Variants in SYNJ2 observed in about 807,000 individuals in gnomAD.
SYNJ2 encodes the protein synaptojanin 2.
In SYNJ2, 116 loss-of-function variants were observed where a neutral mutation model predicts 141.3. The ratio of observed to expected loss-of-function variants is 0.82; its 90% confidence interval spans 0.71 to 0.96. The LOEUF (loss-of-function observed/expected upper bound fraction) is 0.96, where lower values mean the gene tolerates loss of function less well. Among genes scored for constraint, SYNJ2 ranks in the 40% least tolerant of loss-of-function variants. The pLI is 0.00. For missense variants in SYNJ2, 1,873 were observed against 1,934.8 expected (o/e 0.97, Z 0.60); for synonymous variants, 745 against 777.7 (o/e 0.96, Z 0.70).
chr6:158,088,034 A>ATTTTTTTTTTTTTT (rs568222551), intron 23 of SYNJ2, among the ~76,000 whole-genome samples: 3 of 31,922 alleles, frequency 9.4e-5, no homozygotes, highest in East Asian at 1.7e-3. Flanking sequence ...CTGCTTTGGA[A>ATTTTTTTTTTTTTT]TTTTTTTTTT....
intron 2 of SYNJ2, 49 bp from the exon 3 acceptor site, chr6:158,028,707 G>A (rs1229722910): frequency 6.3e-6 from 10 of 1,592,090 alleles, no homozygotes; most frequent in East Asian, 2.2e-5. Context: ...AGCTCCAGGC[G>A]GCCGGGCCGA....
chr6:158,059,233 A>G, intron 6 of SYNJ2, 24 bp from the exon 7 acceptor site: 1 of 1,533,376 alleles, frequency 6.5e-7, no homozygotes, highest in Non-Finnish European at 8.8e-7. Context: ...GCCCAGCATC[A>G]CGCCCACCCC....
At chr6:158,083,736 G>A in intron 21 of SYNJ2, 139 bp downstream of exon 21, 2 of 1,187,404 alleles carry the variant, frequency 1.7e-6, no homozygotes, top group Non-Finnish European at 2.4e-6. Context: ...CATGTGATGA[G>A]CATGTTTGTA....
Position 158,059,267 on chromosome 6 carries a change from C to G in SYNJ2, c.868C>G (p.Leu290Val), listed in dbSNP as rs1781055437. Residue 290 changes from leucine to valine, a missense_variant, in exon 7 of 27, where the codon CTT becomes GTT. By Grantham distance (32) the Leu-to-Val change is conservative. Transcript: ENST00000355585. ...NAPAFDRHMVLLKEQYGQQVV... is the reference protein window; with the variant it reads ...NAPAFDRHMVVLKEQYGQQVV... ...CCGCTGCCTTTGCAGGCACATGGTGCTTCTGAAGGAGCAGTACGGGCAGCA... is the reference window on the plus strand; with the variant it reads ...CCGCTGCCTTTGCAGGCACATGGTGGTTCTGAAGGAGCAGTACGGGCAGCA... The G allele has an allele frequency of 6.5e-7, 1 of 1,549,494 alleles. No homozygotes were observed. The highest frequency in any genetic ancestry group is 1.2e-5 in the South Asian group (1 of 83,934).
chr6:158,071,906 G>A lies in SYNJ2; in HGVS notation c.2133+112G>A. On this transcript the variant is annotated intron_variant, in intron 15 of 26. Coordinates refer to ENST00000355585, the MANE Select transcript of SYNJ2 (RefSeq NM_003898.4). The surrounding 1 kb of genome is among the most constrained non-coding windows in gnomAD (Gnocchi z 4.3). ...ACAACCACAGGGAGGGCCCCTTCCTGGAGGGCTCAGCGCTGGGGGAGGGGG... is the reference window on the plus strand; with the variant it reads ...ACAACCACAGGGAGGGCCCCTTCCTAGAGGGCTCAGCGCTGGGGGAGGGGG... 7.8e-7 allele frequency: 1 copy of A among 1,276,682 alleles called. No individual in the cohort carries two copies. The highest frequency in any genetic ancestry group is 1.1e-6 in the Non-Finnish European group (1 of 936,988). The allele number at this position is 1,276,682 out of a possible 1,614,324, so 79.1% of individuals were successfully genotyped here. A position where few individuals can be genotyped will look rare whatever the true frequency, so the allele number is the denominator to read the frequency against.
In SYNJ2 at chr6:158,040,307, T is replaced by C. The variant is rs1779877146; in HGVS notation, c.712-3009T>C. ...GCCTTGTGTTTGTTTTTCATGTGTA[T>C]GTGTGCAGTGTGTGCATTTATGTGT... On this transcript the variant is annotated intron_variant, in intron 4 of 26. Transcript: ENST00000355585. The surrounding 1 kb of genome is among the most constrained non-coding windows in gnomAD (Gnocchi z 4.2). Among the ~76,000 whole-genome samples, 1 of 152,106 alleles carries C rather than the reference T, an allele frequency of 6.6e-6. No individual in the cohort carries two copies. The highest frequency in any genetic ancestry group is 1.5e-5 in the Non-Finnish European group (1 of 68,012).
chr6:158,092,295 C>A (rs1360911936), intron 25 of SYNJ2, among the ~76,000 whole-genome samples: 1 of 152,136 alleles, frequency 6.6e-6, no homozygotes, highest in Non-Finnish European at 1.5e-5. Context: ...TGGTCCCCAT[C>A]CAAACTATCC....
At position 158,070,046 on chromosome 6, in the gene SYNJ2, T is replaced by C. The variant is rs1781820844; in HGVS notation, c.1940+373T>C. On this transcript the variant is annotated intron_variant, in intron 14 of 26. Coordinates refer to ENST00000355585, the MANE Select transcript of SYNJ2 (RefSeq NM_003898.4). This position sits in a 1 kb window ranked among gnomAD's most constrained non-coding sequence, Gnocchi z 4.0. ...GAAATGCCAACTCTTTTGTCCCTTTTTAAAAGAATTCTAAGTAGAACGTGT... is the reference window on the plus strand; with the variant it reads ...GAAATGCCAACTCTTTTGTCCCTTTCTAAAAGAATTCTAAGTAGAACGTGT... The C allele has an allele frequency of 4.0e-6, 3 of 747,262 alleles. No individual in the cohort carries two copies. The highest frequency in any genetic ancestry group is 4.9e-6 in the Non-Finnish European group (3 of 608,712). The allele number at this position is 747,262 out of a possible 1,614,324, so 46.3% of individuals were successfully genotyped here.
At chr6:158,065,920 T>C (rs1781534421) in intron 11 of SYNJ2, among the ~76,000 whole-genome samples, 1 of 152,216 alleles carries the variant, frequency 6.6e-6, no homozygotes, top group Non-Finnish European at 1.5e-5. Context: ...TTCTGTGTAG[T>C]GACTTTTTAA....
intron 1 of SYNJ2, among the ~76,000 whole-genome samples, chr6:157,992,739 C>G (rs538427436): frequency 1.2e-3 from 176 of 152,066 alleles, no homozygotes; most frequent in Non-Finnish European, 2.0e-3. Flanking sequence ...ATAATGACCT[C>G]CAGTTCCATC....
In SYNJ2 at chr6:158,076,780, C is replaced by T. The variant is rs749102058; in HGVS notation, c.2447C>T (p.Thr816Ile). The change falls in exon 17 of 27, where the codon ACA becomes ATA. Residue 816 changes from threonine (T) to isoleucine (I), a missense_variant and splice_region_variant. By Grantham distance (89) the Thr-to-Ile change is moderately conservative (BLOSUM62 -1). Transcript: ENST00000355585. ...WWRKKHPFDK[T>I]AGELNLLDSD... ...AGGAAGAAACATCCCTTTGATAAAA[C>T]AGGTGAGGGGGCCGTGCCCGTTCGA... The T allele has an allele frequency of 1.2e-4, 190 of 1,610,800 alleles. No individual in the cohort carries two copies. Among genetic ancestry groups the T allele is most frequent in the Non-Finnish European group, 1.5e-4 (177 of 1,178,222 alleles).
At chr6:158,079,586 G>T (rs1016383294) in intron 18 of SYNJ2, among the ~76,000 whole-genome samples, 4 of 151,930 alleles carry the variant, frequency 2.6e-5, no homozygotes, top group Non-Finnish European at 5.9e-5. Flanking sequence ...AGCCAGGCTG[G>T]TCTCCAACTC....
At chr6:157,988,695 G>A (rs190112054) in intron 1 of SYNJ2, among the ~76,000 whole-genome samples, 3 of 152,224 alleles carry the variant, frequency 2.0e-5, no homozygotes, top group Non-Finnish European at 4.4e-5. Flanking sequence ...TGTCCTTAAA[G>A]CCATGGGTAA....
intron 17 of SYNJ2, chr6:158,077,870 T>A (rs1782414750): frequency 4.6e-6 from 1 of 219,214 alleles, no homozygotes; most frequent in Admixed American, 5.3e-5. Flanking sequence ...CCTTCTGGGA[T>A]TCCTGGGTCC....
At chr6:158,073,917 T>C (rs1443874621) in intron 15 of SYNJ2, among the ~76,000 whole-genome samples, 2 of 147,996 alleles carry the variant, frequency 1.4e-5, no homozygotes, top group African/African-American at 5.0e-5. Context: ...TTTTTTTTAA[T>C]CTAAGAGAGA....
At chr6:158,062,765 A>T (rs762222012) in intron 8 of SYNJ2, among the ~76,000 whole-genome samples, 1 of 152,202 alleles carries the variant, frequency 6.6e-6, no homozygotes, top group South Asian at 2.1e-4. Flanking sequence ...TGGACAGAGT[A>T]TTTAAATACT....
intron 1 of SYNJ2, among the ~76,000 whole-genome samples, chr6:157,994,199 T>C (rs1047306656): frequency 2.6e-5 from 4 of 152,212 alleles, no homozygotes; most frequent in African/African-American, 9.7e-5. Context: ...ATGAATCTTA[T>C]CAATGACTGA....
rs1021081012 is a variant in SYNJ2, at chr6:158,027,353, C to A, written c.215-1403C>A. 1.5e-5 allele frequency: 5 copies of A among 341,252 alleles called. No individual in the cohort carries two copies. The highest frequency in any genetic ancestry group is 8.9e-5 in the African/African-American group (4 of 44,772). The allele number at this position is 341,252 out of a possible 1,614,324, so 21.1% of individuals were successfully genotyped here. On this transcript the variant is annotated intron_variant, in intron 2 of 26. Coordinates refer to ENST00000355585, the MANE Select transcript of SYNJ2 (RefSeq NM_003898.4). The surrounding 1 kb of genome is among the most constrained non-coding windows in gnomAD (Gnocchi z 4.6). ...GGGAAGAGTGTCCTTGGGACTAGAG[C>A]CCTGCCAGACCCCAAAGGCCGGTTT... is the stretch of plus-strand genomic sequence containing the variant.
At position 158,095,370 on chromosome 6, in the gene SYNJ2, C is replaced by T. The variant is rs6901693; in HGVS notation, c.3745-248C>T. ...GTTTGTCTGATTATTTACTGTGGCCCTGGTTTTAAATTTTCCACTCGTTTT... is the reference window on the plus strand; with the variant it reads ...GTTTGTCTGATTATTTACTGTGGCCTTGGTTTTAAATTTTCCACTCGTTTT... On this transcript the variant is annotated intron_variant, in intron 26 of 26. Coordinates refer to ENST00000355585, the MANE Select transcript of SYNJ2 (RefSeq NM_003898.4). 4.5e-3 allele frequency among the ~76,000 whole-genome samples: 680 copies of T among 152,260 alleles called. 5 individuals are homozygous for T. Among genetic ancestry groups the T allele is most frequent in the African/African-American group, 0.015 (640 of 41,532 alleles).
Sources: allele counts gnomAD v4.1 joint callset (sites outside exome capture counted in the v4.1 genomes callset), GRCh38; gene constraint gnomAD v4.1.1; non-coding constraint Gnocchi (gnomAD v3.1); transcripts MANE v1.5; gene names NCBI Gene and HGNC (gene_info 2026-07-23, HGNC 2026-07-21).